SEM1: variants seen among roughly 807,000 people sequenced by gnomAD.
SEM1 encodes the protein SEM1 26S proteasome subunit, also known as 26S proteasome complex subunit SEM1.
In SEM1, 3 loss-of-function variants were observed where a neutral mutation model predicts 12.7. That is an observed-to-expected ratio of 0.24 (90% CI 0.11 to 0.61). The LOEUF (loss-of-function observed/expected upper bound fraction) is 0.61, where lower values mean the gene tolerates loss of function less well. Ranked by LOEUF, SEM1 falls within the 20% of genes least tolerant of loss-of-function variation. SEM1 has a pLI of 0.88. For missense variants in SEM1, 59 were observed against 81.3 expected (o/e 0.73, Z 1.06); for synonymous variants, 30 against 27.8 (o/e 1.08, Z -0.25).
intron 2 of SEM1, among the ~76,000 whole-genome samples, chr7:96,571,612 A>G (rs1806032509): frequency 6.6e-6 from 1 of 151,700 alleles, no homozygotes; most frequent in Non-Finnish European, 1.5e-5. Context: ...ATATATACAT[A>G]CATATGTATG....
At chr7:96,690,769 T>C (rs1182460647) in intron 2 of SEM1, among the ~76,000 whole-genome samples, 1 of 152,148 alleles carries the variant, frequency 6.6e-6, no homozygotes, top group African/African-American at 2.4e-5. Flanking sequence ...GGAACTATAC[T>C]GGATTTTTTT....
intron 2 of SEM1, among the ~76,000 whole-genome samples, chr7:96,676,197 T>G (rs754440347): frequency 1.8e-4 from 27 of 152,200 alleles, no homozygotes; most frequent in Admixed American, 6.5e-5. Flanking sequence ...CCTTGACCCA[T>G]ACATCCCCAT....
chr7:96,578,429 G>T (rs2116036262), intron 2 of SEM1, among the ~76,000 whole-genome samples: 1 of 152,096 alleles, frequency 6.6e-6, no homozygotes, highest in Non-Finnish European at 1.5e-5. Flanking sequence ...TCAGAAGATG[G>T]GATAATATCT....
At chr7:96,602,271 A>G (rs1452175109) in intron 2 of SEM1, among the ~76,000 whole-genome samples, 9 of 152,238 alleles carry the variant, frequency 5.9e-5, no homozygotes, top group Non-Finnish European at 4.4e-5. Context: ...AATGTTAAGA[A>G]ATTTGGAAAA....
At position 96,709,786 on chromosome 7, in the gene SEM1, C is replaced by T. The variant is rs1802883; in HGVS notation, c.-23G>A. ...CATCTCGACTGTCCGCGCCCAACAC[C>T]TCCCAGATAAGCAGAAAAGTTGGAA... On this transcript the variant is annotated 5_prime_UTR_variant, in exon 1 of 3. Coordinates refer to ENST00000248566, the MANE Select transcript of SEM1 (RefSeq NM_006304.2). The T allele has an allele frequency of 1.9e-6, 3 of 1,612,454 alleles. No homozygotes were observed. The highest frequency in any genetic ancestry group is 2.5e-6 in the Non-Finnish European group (3 of 1,178,944).
At chr7:96,587,665 T>TTC (rs1554420865) in intron 2 of SEM1, among the ~76,000 whole-genome samples, 24 of 147,562 alleles carry the variant, frequency 1.6e-4, no homozygotes, top group South Asian at 2.2e-4. Flanking sequence ...TTTTTTTTTT[T>TTC]CCCCAGGAAA....
At chr7:96,571,564 A>G (rs1806029842) in intron 2 of SEM1, among the ~76,000 whole-genome samples, 1 of 150,992 alleles carries the variant, frequency 6.6e-6, no homozygotes, top group Non-Finnish European at 1.5e-5. Context: ...GTGTATATAT[A>G]TGTATATATA....
At chr7:96,486,341 C>T in exon 2 of SEM1, 1 of 1,537,048 alleles carries the variant, frequency 6.5e-7, no homozygotes, top group Non-Finnish European at 8.7e-7. Context: ...TATGCTGGGT[C>T]TCCTCCCCCT....
At chr7:96,587,223 C>T (rs1806669624) in intron 2 of SEM1, among the ~76,000 whole-genome samples, 1 of 152,086 alleles carries the variant, frequency 6.6e-6, no homozygotes, top group Admixed American at 6.5e-5. Flanking sequence ...TGTAAATCTC[C>T]AAGATTATAG....
intron 2 of SEM1, among the ~76,000 whole-genome samples, chr7:96,633,405 T>A (rs1182029025): frequency 1.3e-5 from 2 of 152,122 alleles, no homozygotes; most frequent in East Asian, 3.8e-4. Flanking sequence ...GATTACCACA[T>A]CCACATTTAA....
At chr7:96,662,746 T>C (rs1789046702) in intron 2 of SEM1, among the ~76,000 whole-genome samples, 1 of 152,172 alleles carries the variant, frequency 6.6e-6, no homozygotes, top group Non-Finnish European at 1.5e-5. Flanking sequence ...ACTGGTGAAA[T>C]TGGGCATATG....
intron 1 of SEM1, among the ~76,000 whole-genome samples, chr7:96,704,172 T>C (rs749921660): frequency 2.6e-5 from 4 of 151,932 alleles, no homozygotes; most frequent in Non-Finnish European, 5.9e-5. Context: ...TAGGAGGAAA[T>C]AGTATATATC....
intron 2 of SEM1, among the ~76,000 whole-genome samples, chr7:96,612,213 C>T (rs1197993047): frequency 6.6e-6 from 1 of 152,130 alleles, no homozygotes; most frequent in African/African-American, 2.4e-5. Flanking sequence ...AATTAATAGG[C>T]CTGCCCAGAC....
chr7:96,508,970 A>C (rs1803841403), intron 2 of SEM1, among the ~76,000 whole-genome samples: 1 of 149,914 alleles, frequency 6.7e-6, no homozygotes, highest in Non-Finnish European at 1.5e-5. Flanking sequence ...ATTAAATGAC[A>C]ATTTTTACTA....
At chr7:96,516,341 T>A (rs965634930) in intron 2 of SEM1, among the ~76,000 whole-genome samples, 1 of 152,144 alleles carries the variant, frequency 6.6e-6, no homozygotes, top group Non-Finnish European at 1.5e-5. Flanking sequence ...ATACGTCTGA[T>A]AAAAGAGTGT....
intron 2 of SEM1, among the ~76,000 whole-genome samples, chr7:96,563,367 A>G (rs1805749463): frequency 6.6e-6 from 1 of 152,016 alleles, no homozygotes; most frequent in African/African-American, 2.4e-5. Context: ...AAAAAAGGAG[A>G]AAATATAAAA....
At chr7:96,506,279 A>G (rs1034250670) in intron 3 of SEM1, among the ~76,000 whole-genome samples, 4 of 152,122 alleles carry the variant, frequency 2.6e-5, no homozygotes, top group African/African-American at 9.7e-5. Context: ...GGACACATTA[A>G]TCTTACTTCT....
intron 2 of SEM1, among the ~76,000 whole-genome samples, chr7:96,543,340 T>C (rs963819207): frequency 2.0e-5 from 3 of 152,000 alleles, no homozygotes; most frequent in Admixed American, 6.6e-5. Context: ...CTGTTTGATA[T>C]AAGGCACTTA....
intron 2 of SEM1, among the ~76,000 whole-genome samples, chr7:96,538,462 G>A (rs1265338393): frequency 2.0e-5 from 3 of 151,846 alleles, no homozygotes; most frequent in African/African-American, 7.2e-5. Flanking sequence ...AAGTTGGATT[G>A]TGTTTAAAAT....
Sources: gnomAD v4.1 joint callset for allele counts (sites outside exome capture counted in the v4.1 genomes callset) on GRCh38, gnomAD v4.1.1 for gene constraint, MANE v1.5 for transcripts, NCBI Gene and HGNC (gene_info 2026-07-23, HGNC 2026-07-21) for gene names.